ANOS1: variants seen among roughly 807,000 people sequenced by gnomAD.
ANOS1 encodes anosmin 1, also known as anosmin-1.
Under a neutral mutation model 59.0 loss-of-function variants are expected in ANOS1, and 6 were observed. The observed-to-expected ratio is 0.10, with a 90% confidence interval of 0.06 to 0.20. The LOEUF is 0.20. Among genes scored for constraint, ANOS1 ranks in the 10% least tolerant of loss-of-function variants. ANOS1 has a pLI of 1.00. For synonymous variants in ANOS1, 217 were observed against 223.4 expected, an observed-to-expected ratio of 0.97 and a Z score of 0.25; for missense variants, 433 against 542.3, an observed-to-expected ratio of 0.80 and a Z score of 2.00.
At chrX:8,645,285 AGG>A (rs1040432220) in intron 2 of ANOS1, among the ~76,000 whole-genome samples, 1 of 112,185 alleles carries the variant, frequency 8.9e-6, no homozygotes, top group Non-Finnish European at 1.9e-5. Context: ...GTCCAGCAGG[AGG>A]GGAAATGGCC....
intron 6 of ANOS1, among the ~76,000 whole-genome samples, chrX:8,576,333 C>G (rs775974243): frequency 2.9e-4 from 32 of 110,783 alleles, no homozygotes; most frequent in African/African-American, 9.8e-4. Context: ...AATTGGTTCC[C>G]TACGTTATGA....
At chrX:8,651,815 C>T (rs1931855324) in intron 2 of ANOS1, among the ~76,000 whole-genome samples, 1 of 112,332 alleles carries the variant, frequency 8.9e-6, no homozygotes, top group Admixed American at 9.4e-5. Flanking sequence ...TGATCAAAGA[C>T]ATCTGGGGTC....
chrX:8,662,715 C>A (rs966562189), intron 2 of ANOS1, among the ~76,000 whole-genome samples: 1 of 112,374 alleles, frequency 8.9e-6, no homozygotes, highest in Non-Finnish European at 1.9e-5. Context: ...CAGAGATACA[C>A]ATAGAGGGAA....
At chrX:8,609,190 A>G (rs981243392) in intron 3 of ANOS1, among the ~76,000 whole-genome samples, 1 of 111,859 alleles carries the variant, frequency 8.9e-6, no homozygotes, top group Admixed American at 9.5e-5. Flanking sequence ...CCCTTTATCA[A>G]CTAAGGGGTA....
chrX:8,535,597 C>A lies in ANOS1; in HGVS notation c.1836G>T (p.Leu612=). The A allele has an allele frequency of 8.3e-7, 1 of 1,202,445 alleles. No individual in the cohort carries two copies. Among genetic ancestry groups the A allele is most frequent in the Non-Finnish European group, 1.1e-6 (1 of 886,932 alleles). ...PNSIISQSQI[L]PSDHYVLTVP... ...TACAAGAGGTGGGACCTACGGAAGGCAGGATCTGGGACTGTGAAATAATGC... is the reference window on the plus strand; with the variant it reads ...TACAAGAGGTGGGACCTACGGAAGGAAGGATCTGGGACTGTGAAATAATGC... Residue 612 remains leucine (L), a synonymous_variant, in exon 12 of 14, where the codon CTG becomes CTT. Transcript: ENST00000262648.
chrX:8,572,098 C>CA (rs746782394), intron 6 of ANOS1, among the ~76,000 whole-genome samples: 27 of 107,728 alleles, frequency 2.5e-4, no homozygotes, highest in Non-Finnish European at 3.4e-4. Flanking sequence ...TAATTGAAAG[C>CA]ATATTATGTG....
In ANOS1 at chrX:8,623,593, C is replaced by CTGCACTTTG. The variant is rs1386827942; in HGVS notation, c.318+14_318+15insCAAAGTGCA. Reference sequence around the variant, plus strand: ...TTTGGGTCAAGTGTTTTAAGTACCACTGACGTTCTCCTACCTCACAAAAGC... The same window carrying CTGCACTTTG: ...TTTGGGTCAAGTGTTTTAAGTACCACTGCACTTTGTGACGTTCTCCTACCTCACAAAAGC... On this transcript the variant is annotated intron_variant, in intron 3 of 13. Transcript: ENST00000262648. The CTGCACTTTG allele has an allele frequency of 8.5e-7, 1 of 1,183,164 alleles. No individual in the cohort carries two copies. Among genetic ancestry groups the CTGCACTTTG allele is most frequent in the African/African-American group, 1.8e-5 (1 of 56,945 alleles).
intron 1 of ANOS1, among the ~76,000 whole-genome samples, chrX:8,724,882 AAG>A (rs1932900031): frequency 8.9e-6 from 1 of 112,031 alleles, no homozygotes; most frequent in Non-Finnish European, 1.9e-5. Flanking sequence ...TAAAGCTTGA[AAG>A]AGTTATGGCT....
chrX:8,614,342 T>G (rs963007919), intron 3 of ANOS1, among the ~76,000 whole-genome samples: 1 of 112,207 alleles, frequency 8.9e-6, no homozygotes, highest in Non-Finnish European at 1.9e-5. Context: ...GAGACAGTGT[T>G]AGGGAAAGAC....
At chrX:8,541,183 T>A (rs1164726483) in intron 9 of ANOS1, among the ~76,000 whole-genome samples, 1 of 105,191 alleles carries the variant, frequency 9.5e-6, no homozygotes, top group Non-Finnish European at 1.9e-5. Flanking sequence ...GGCAGGCAGA[T>A]CACTAGGTCA....
intron 2 of ANOS1, among the ~76,000 whole-genome samples, chrX:8,659,088 G>T (rs897712467): frequency 1.8e-5 from 2 of 111,004 alleles, no homozygotes; most frequent in African/African-American, 6.6e-5. Context: ...TTATCCGGGT[G>T]TGGTGGTGTG....
intron 1 of ANOS1, among the ~76,000 whole-genome samples, chrX:8,725,585 T>TAC (rs756304591): frequency 0.2 from 2,846 of 14,402 alleles, 9 homozygotes; most frequent in East Asian, 0.33. Context: ...TATACAGATA[T>TAC]ATATATACAG....
At chrX:8,547,629 A>G in intron 9 of ANOS1, among the ~76,000 whole-genome samples, 1 of 112,185 alleles carries the variant, frequency 8.9e-6, no homozygotes. Context: ...ATCACGTGGC[A>G]CACAGCCTGG....
At chrX:8,534,106 T>C (rs1263819232) in intron 13 of ANOS1, among the ~76,000 whole-genome samples, 2 of 106,196 alleles carry the variant, frequency 1.9e-5, no homozygotes, top group Non-Finnish European at 3.9e-5. Context: ...AAAAGAACAA[T>C]TAAGCATCAA....
At chrX:8,540,340 G>A (rs751418480) in intron 9 of ANOS1, among the ~76,000 whole-genome samples, 2 of 111,427 alleles carry the variant, frequency 1.8e-5, no homozygotes, top group East Asian at 5.6e-4. Flanking sequence ...GGATAGGGAC[G>A]TATGCTTCCC....
chrX:8,644,212 A>G (rs1027558390), intron 2 of ANOS1, among the ~76,000 whole-genome samples: 1 of 111,888 alleles, frequency 8.9e-6, no homozygotes, highest in African/African-American at 3.3e-5. Context: ...CAGCCTGTAA[A>G]GTAAAAATAA....
At chrX:8,550,084 T>C (rs901903802) in intron 9 of ANOS1, among the ~76,000 whole-genome samples, 1 of 111,892 alleles carries the variant, frequency 8.9e-6, no homozygotes. Context: ...ATGATGGTTT[T>C]TGTAGAAAAA....
chrX:8,638,390 C>T (rs772112863), intron 2 of ANOS1, among the ~76,000 whole-genome samples: 7 of 112,263 alleles, frequency 6.2e-5, no homozygotes, highest in African/African-American at 1.9e-4. Flanking sequence ...ACCTTCTCTG[C>T]GTATGTATTT....
At chrX:8,575,081 C>T (rs1203145600) in intron 6 of ANOS1, among the ~76,000 whole-genome samples, 1 of 112,296 alleles carries the variant, frequency 8.9e-6, no homozygotes, top group African/African-American at 3.2e-5. Context: ...TAAACGTTAG[C>T]TTTGATTTGT....
Sources: allele counts gnomAD v4.1 joint callset (sites outside exome capture counted in the v4.1 genomes callset), GRCh38; gene constraint gnomAD v4.1.1; transcripts MANE v1.5; gene names NCBI Gene and HGNC (gene_info 2026-07-23, HGNC 2026-07-21).